BRD4: variants seen among roughly 807,000 people sequenced by gnomAD.
The protein encoded by BRD4 is bromodomain-containing protein 4.
A neutral mutation model predicts 142.1 loss-of-function variants in BRD4; 16 were observed. The observed-to-expected ratio is 0.11, with a 90% CI of 0.08 to 0.17. BRD4 has a LOEUF of 0.17. Among genes scored for constraint, BRD4 ranks in the 10% least tolerant of loss-of-function variants. BRD4 has a pLI of 1.00. For missense variants in BRD4, 1,424 were observed against 1,810.9 expected (o/e 0.79, Z 3.88); for synonymous variants, 833 against 707.5 (o/e 1.18, Z -2.82).
intron 1 of BRD4, among the ~76,000 whole-genome samples, chr19:15,289,209 C>T (rs1008842307): frequency 3.3e-5 from 5 of 152,216 alleles, no homozygotes; most frequent in Admixed American, 2.6e-4. Flanking sequence ...GTTTCTCCCA[C>T]GACCTTTCCA....
At chr19:15,330,640 G>A (rs1253958299) in intron 1 of BRD4, among the ~76,000 whole-genome samples, 1 of 152,058 alleles carries the variant, frequency 6.6e-6, no homozygotes, top group Non-Finnish European at 1.5e-5. Context: ...GGTGGCGGGC[G>A]CCTGTAGTCC....
Position 15,238,666 on chromosome 19 carries a change from A to C in BRD4, c.4020+77T>G, listed in dbSNP as rs2145497551. The C allele has an allele frequency of 6.9e-7, 1 of 1,457,832 alleles. No individual in the cohort carries two copies. Among genetic ancestry groups the C allele is most frequent in the South Asian group, 1.5e-5 (1 of 68,932 alleles). 90.3% of individuals were successfully genotyped at this position (1,457,832 alleles called of 1,614,324 possible). On this transcript the variant is annotated intron_variant, in intron 19 of 19. Transcript: ENST00000679869. This position sits in a 1 kb window ranked among gnomAD's most constrained non-coding sequence, Gnocchi z 7.2. ...GCTCCCCCGCTGCCCCTCCCTGTCCAGGCTCCAGTCCCCCTTTCCCAGCTC... is the reference window on the plus strand; with the variant it reads ...GCTCCCCCGCTGCCCCTCCCTGTCCCGGCTCCAGTCCCCCTTTCCCAGCTC...
Position 15,239,933 on chromosome 19 carries a change from G to T in BRD4, c.3259C>A (p.Gln1087Lys). The T allele has an allele frequency of 6.2e-7, 1 of 1,614,110 alleles. No individual in the cohort carries two copies. The highest frequency in any genetic ancestry group is 8.5e-7 in the Non-Finnish European group (1 of 1,180,030). ...ACCTGTTTCTTAGGCTGGACGTTTT[G>T]CTGGGGTGGAGACTGGTGGGTCAGG... ...QSLTHQSPPQ[Q>K]NVQPKKQELR... Residue 1087 changes from glutamine to lysine, a missense_variant, in exon 15 of 20, where the codon CAA (glutamine) becomes AAA (lysine). This residue lies in a region of BRD4 where 598 missense variants were observed against 647.8 expected (regional missense o/e 0.92). Coordinates refer to ENST00000679869, the MANE Select transcript of BRD4 (RefSeq NM_001379291.1). This position sits in a 1 kb window ranked among gnomAD's most constrained non-coding sequence, Gnocchi z 7.4.
chr19:15,280,694 C>A (rs1372492189), intron 1 of BRD4, among the ~76,000 whole-genome samples: 1 of 152,196 alleles, frequency 6.6e-6, no homozygotes, highest in Admixed American at 6.5e-5. Flanking sequence ...CCAATGCCAA[C>A]TGACTACAGC....
chr19:15,257,199 C>T (rs751410014), intron 7 of BRD4, 26 bp from the exon 8 acceptor site: 21 of 1,574,998 alleles, frequency 1.3e-5, no homozygotes, highest in South Asian at 2.3e-5. Flanking sequence ...CATGCTGTGA[C>T]GGCTGCTGGG....
At chr19:15,258,276 G>C (rs1034319329) in intron 7 of BRD4, among the ~76,000 whole-genome samples, 2 of 151,296 alleles carry the variant, frequency 1.3e-5, no homozygotes, top group Admixed American at 1.3e-4. Flanking sequence ...ATATAACTGT[G>C]GTGTTGATTC....
chr19:15,316,390 G>T (rs1338801046), intron 1 of BRD4, among the ~76,000 whole-genome samples: 1 of 151,834 alleles, frequency 6.6e-6, no homozygotes, highest in East Asian at 1.9e-4. Flanking sequence ...AGGAGTTCGA[G>T]ACCAGCCTGG....
chr19:15,302,489 C>A (rs1383591021), intron 1 of BRD4, among the ~76,000 whole-genome samples: 1 of 151,972 alleles, frequency 6.6e-6, no homozygotes, highest in Non-Finnish European at 1.5e-5. Context: ...GCCAACATGG[C>A]AAAACCCTGT....
chr19:15,257,195 G>A (rs1176056384), intron 7 of BRD4, 22 bp from the exon 8 acceptor site: 5 of 1,580,412 alleles, frequency 3.2e-6, no homozygotes, highest in Non-Finnish European at 2.6e-6. Context: ...AAGACATGCT[G>A]TGACGGCTGC....
In BRD4 at chr19:15,277,069, C is replaced by T. The variant is rs566931639; in HGVS notation, c.-34-3936G>A. ...AGGAGACAACATCTTCAAAGTTTTCCGTTGAAAAGATTAAAAACTGCTGCT... is the reference window on the plus strand; with the variant it reads ...AGGAGACAACATCTTCAAAGTTTTCTGTTGAAAAGATTAAAAACTGCTGCT... On this transcript the variant is annotated intron_variant, in intron 1 of 19. Coordinates refer to ENST00000679869, the MANE Select transcript of BRD4 (RefSeq NM_001379291.1). 2.4e-4 allele frequency among the ~76,000 whole-genome samples: 36 copies of T among 152,218 alleles called. 1 individual carries two copies. Among genetic ancestry groups the T allele is most frequent in the Non-Finnish European group, 3.5e-4 (24 of 68,020 alleles).
chr19:15,271,184 C>T (rs941440871), intron 2 of BRD4, among the ~76,000 whole-genome samples: 1 of 152,212 alleles, frequency 6.6e-6, no homozygotes, highest in Non-Finnish European at 1.5e-5. Context: ...CTTCCTTCTC[C>T]TGTCTTCACC....
intron 6 of BRD4, 129 bp from the exon 7 acceptor site, chr19:15,263,677 T>G: frequency 1.1e-4 from 136 of 1,187,354 alleles, no homozygotes; most frequent in Non-Finnish European, 1.6e-4. Flanking sequence ...GTCAAGACTC[T>G]AGTGGGGGGA....
At chr19:15,315,667 A>T (rs1160104033) in intron 1 of BRD4, among the ~76,000 whole-genome samples, 1 of 152,158 alleles carries the variant, frequency 6.6e-6, no homozygotes, top group Non-Finnish European at 1.5e-5. Context: ...CCAGTCTGAA[A>T]ATATAGTGAA....
chr19:15,285,890 T>G (rs1408537633), intron 1 of BRD4, among the ~76,000 whole-genome samples: 1 of 152,148 alleles, frequency 6.6e-6, no homozygotes, highest in Non-Finnish European at 1.5e-5. Context: ...GTTAGGATGG[T>G]GCCCACTCTG....
chr19:15,312,221 T>C (rs149017368), intron 1 of BRD4, among the ~76,000 whole-genome samples: 37 of 152,294 alleles, frequency 2.4e-4, no homozygotes, highest in Admixed American at 1.4e-3. Context: ...CCAGGCACAG[T>C]AGCTTGTAGC....
intron 1 of BRD4, among the ~76,000 whole-genome samples, chr19:15,291,685 T>C (rs976556082): frequency 1.3e-5 from 2 of 152,236 alleles, no homozygotes; most frequent in East Asian, 1.9e-4. Context: ...CACAGGGGCT[T>C]GTGGCTTACT....
At chr19:15,308,724 T>C (rs1329984272) in intron 1 of BRD4, among the ~76,000 whole-genome samples, 1 of 150,444 alleles carries the variant, frequency 6.6e-6, no homozygotes, top group Non-Finnish European at 1.5e-5. Context: ...CCTTAAACTT[T>C]AAACATCTGG....
At chr19:15,299,254 G>A (rs577396787) in intron 1 of BRD4, among the ~76,000 whole-genome samples, 4 of 152,124 alleles carry the variant, frequency 2.6e-5, no homozygotes, top group Non-Finnish European at 5.9e-5. Context: ...TGAACAGAAT[G>A]ACCCCTGCCA....
At chr19:15,285,583 C>A (rs1437868774) in intron 1 of BRD4, among the ~76,000 whole-genome samples, 3 of 151,838 alleles carry the variant, frequency 2.0e-5, no homozygotes, top group Non-Finnish European at 4.4e-5. Context: ...AAAAAAAAAT[C>A]TAAGGATGTA....
Sources: gnomAD v4.1 joint callset for allele counts (sites outside exome capture counted in the v4.1 genomes callset) on GRCh38, gnomAD v4.1.1 for gene constraint, gnomAD v4.1.1 regional missense constraint, Gnocchi (gnomAD v3.1) non-coding constraint, MANE v1.5 for transcripts, NCBI Gene and HGNC (gene_info 2026-07-23, HGNC 2026-07-21) for gene names.